CHM: variants seen among roughly 807,000 people sequenced by gnomAD.
CHM encodes the protein CHM Rab escort protein.
Under a neutral mutation model 49.0 loss-of-function variants are expected in CHM, and 10 were observed. The observed-to-expected ratio is 0.20, with a 90% CI of 0.13 to 0.35. CHM has a LOEUF of 0.35. Among genes scored for constraint, CHM ranks in the 10% least tolerant of loss-of-function variants. The probability of loss-of-function intolerance (pLI) is 1.00; values close to 1 mark genes in which losing one functional copy is unlikely to be tolerated. For missense variants in CHM, 455 were observed against 478.4 expected (o/e 0.95, Z 0.46); for synonymous variants, 184 against 167.5 (o/e 1.10, Z -0.76).
intron 2 of CHM, among the ~76,000 whole-genome samples, chrX:86,020,806 A>T (rs1425712171): frequency 2.9e-5 from 3 of 102,769 alleles, no homozygotes; most frequent in Non-Finnish European, 5.9e-5. Flanking sequence ...AATATATAAG[A>T]GCAGTAGATG....
intron 13 of CHM, among the ~76,000 whole-genome samples, chrX:85,875,348 C>T (rs1478609501): frequency 9.0e-6 from 1 of 111,644 alleles, no homozygotes; most frequent in Non-Finnish European, 1.9e-5. Flanking sequence ...CACAAGTTGC[C>T]AGGGGTAGAA....
At chrX:86,037,103 AT>A (rs1370882606) in intron 1 of CHM, among the ~76,000 whole-genome samples, 2 of 93,937 alleles carry the variant, frequency 2.1e-5, no homozygotes, top group Non-Finnish European at 4.2e-5. Context: ...ACTACAACTA[AT>A]TTTTCCTTTT....
At position 85,883,322 on chromosome X, in the gene CHM, C is replaced by G. The variant is rs937370041; in HGVS notation, c.1511-4259G>C. Among the ~76,000 whole-genome samples the G allele has an allele frequency of 3.6e-5, 4 of 111,255 alleles. No individual in the cohort carries two copies. The East Asian group carries it at 1.1e-3, about 31-fold the overall frequency. ...GAGATCAATGTGGCTGGTAACATAT[C>G]TTTCATATAACTATAAAGGCCACAT... On this transcript the variant is annotated intron_variant, in intron 12 of 14. Transcript: ENST00000357749.
chrX:85,984,112 G>C (rs902739692), intron 2 of CHM, among the ~76,000 whole-genome samples: 2 of 110,229 alleles, frequency 1.8e-5, no homozygotes, highest in Admixed American at 1.9e-4. Flanking sequence ...TGAGGTAGAA[G>C]AATTGCTTGA....
intron 11 of CHM, among the ~76,000 whole-genome samples, chrX:85,898,831 G>C (rs1410012579): frequency 8.9e-6 from 1 of 112,477 alleles, no homozygotes; most frequent in Admixed American, 9.4e-5. Context: ...AGCTATTTGA[G>C]AGCAGAGATG....
chrX:85,919,810 C>T (rs1199401470), intron 8 of CHM, among the ~76,000 whole-genome samples: 1 of 110,806 alleles, frequency 9.0e-6, no homozygotes, highest in Non-Finnish European at 1.9e-5. Flanking sequence ...TGTTTTTCCC[C>T]CATACCAGTC....
intron 2 of CHM, among the ~76,000 whole-genome samples, chrX:85,992,968 G>C (rs1361288095): frequency 1.8e-5 from 2 of 111,802 alleles, no homozygotes; most frequent in Non-Finnish European, 3.8e-5. Context: ...AACCAAGGCA[G>C]GTAGATGAAC....
intron 4 of CHM, among the ~76,000 whole-genome samples, chrX:85,975,211 G>A (rs150205698): frequency 2.7e-3 from 302 of 112,048 alleles, no homozygotes; most frequent in Non-Finnish European, 5.2e-3. Flanking sequence ...AAATAGTACA[G>A]CTCCTCTGAA....
intron 9 of CHM, among the ~76,000 whole-genome samples, chrX:85,903,251 AT>A (rs1028087662): frequency 4.5e-5 from 5 of 111,422 alleles, no homozygotes. Context: ...AATTCCTTCC[AT>A]GTCAGTATAA....
At chrX:86,025,702 GAAAA>G (rs1416395053) in intron 2 of CHM, among the ~76,000 whole-genome samples, 1 of 82,521 alleles carries the variant, frequency 1.2e-5, no homozygotes, top group Non-Finnish European at 2.4e-5. Context: ...AAGAAAGAAA[GAAAA>G]AGAAAAAGGA....
At chrX:85,973,325 A>AAAAAG (rs1569233628) in intron 4 of CHM, among the ~76,000 whole-genome samples, 3 of 103,373 alleles carry the variant, frequency 2.9e-5, no homozygotes, top group African/African-American at 1.1e-4. Flanking sequence ...AAAAAAAAAA[A>AAAAAG]AAAAAAGAAA....
At chrX:85,996,186 A>G (rs1932429919) in intron 2 of CHM, among the ~76,000 whole-genome samples, 1 of 112,177 alleles carries the variant, frequency 8.9e-6, no homozygotes, top group Admixed American at 9.5e-5. Context: ...AAGCCACTAA[A>G]AAGAAACCTC....
At chrX:85,933,680 A>G (rs1043229565) in intron 8 of CHM, among the ~76,000 whole-genome samples, 2 of 112,337 alleles carry the variant, frequency 1.8e-5, no homozygotes, top group Admixed American at 9.5e-5. Flanking sequence ...TAGGACCACA[A>G]TTAAAGACTG....
At chrX:86,038,519 C>A (rs1287516263) in intron 1 of CHM, among the ~76,000 whole-genome samples, 1 of 112,113 alleles carries the variant, frequency 8.9e-6, no homozygotes, top group African/African-American at 3.2e-5. Context: ...TCATCAGGAC[C>A]TGAGGCTGTG....
chrX:85,897,605 C>T lies in CHM; in HGVS notation c.1413+3041G>A, dbSNP rs767286509. Among the ~76,000 whole-genome samples, 41 of 109,710 alleles carry T rather than the reference C, an allele frequency of 3.7e-4. No homozygotes were observed. The South Asian group carries it at 0.015, about 41-fold the overall frequency. ...CGAAGCAAGGTTGGTGGGGGAGGGG[C>T]AGCAGGTTGAGAGGAGCAGGGGATA... On this transcript the variant is annotated intron_variant, in intron 11 of 14. Coordinates refer to ENST00000357749, the MANE Select transcript of CHM (RefSeq NM_000390.4).
Position 85,864,533 on chromosome X carries a change from G to T in CHM, c.*97C>A, listed in dbSNP as rs1376075530. ...TTACCTATTTTGCCTTATAATTGCT[G>T]CTGCTTTCTAACATTTCTCAAACAG... On this transcript the variant is annotated 3_prime_UTR_variant, in exon 15 of 15. Transcript: ENST00000357749. 1.4e-5 allele frequency: 11 copies of T among 772,703 alleles called. No individual in the cohort carries two copies. The highest frequency in any genetic ancestry group is 2.1e-5 in the Non-Finnish European group (11 of 514,542). 63.7% of individuals were successfully genotyped at this position (772,703 alleles called of 1,213,427 possible). A position where few individuals can be genotyped will look rare whatever the true frequency, so the allele number is the denominator to read the frequency against.
intron 8 of CHM, among the ~76,000 whole-genome samples, chrX:85,936,725 A>C (rs959409038): frequency 4.5e-5 from 5 of 112,232 alleles, no homozygotes; most frequent in Non-Finnish European, 9.4e-5. Flanking sequence ...GGATTATTTT[A>C]ATCTAGAACA....
chrX:85,892,015 T>C (rs372077807), intron 12 of CHM, among the ~76,000 whole-genome samples: 2 of 111,850 alleles, frequency 1.8e-5, no homozygotes, highest in African/African-American at 6.5e-5. Flanking sequence ...CCGCTGGAAT[T>C]TGGACTTGCA....
At chrX:85,901,695 G>A (rs372477604) in intron 9 of CHM, among the ~76,000 whole-genome samples, 45 of 111,945 alleles carry the variant, frequency 4.0e-4, no homozygotes, top group South Asian at 2.2e-3. Flanking sequence ...ATATGGTCAC[G>A]TGTTGGATAA....
Sources: gnomAD v4.1 joint callset for allele counts (sites outside exome capture counted in the v4.1 genomes callset) on GRCh38, gnomAD v4.1.1 for gene constraint, MANE v1.5 for transcripts, NCBI Gene and HGNC (gene_info 2026-07-23, HGNC 2026-07-21) for gene names.